Variants in CCDC12 observed in about 807,000 individuals in gnomAD.
CCDC12 encodes coiled-coil domain-containing protein 12.
Under a neutral mutation model 25.7 loss-of-function variants are expected in CCDC12, and 28 were observed. The ratio of observed to expected loss-of-function variants is 1.09; its 90% CI spans 0.81 to 1.50. The LOEUF (loss-of-function observed/expected upper bound fraction) is 1.50, where lower values mean the gene tolerates loss of function less well. CCDC12 is among the 40% of genes most tolerant of loss of function. The probability of loss-of-function intolerance (pLI) is 0.00; values close to 1 mark genes in which losing one functional copy is unlikely to be tolerated. For synonymous variants in CCDC12, 75 were observed against 87.7 expected (o/e 0.86, Z 0.81); for missense variants, 198 against 210.0 (o/e 0.94, Z 0.35).
At chr3:46,947,640 C>T (rs184414949) in intron 1 of CCDC12, among the ~76,000 whole-genome samples, 1 of 152,306 alleles carries the variant, frequency 6.6e-6, no homozygotes, top group East Asian at 1.9e-4. Context: ...GTCCCCTGCA[C>T]TCAATGTGCT....
At chr3:46,960,517 C>A (rs1422395182) in intron 1 of CCDC12, among the ~76,000 whole-genome samples, 1 of 152,220 alleles carries the variant, frequency 6.6e-6, no homozygotes, top group African/African-American at 2.4e-5. Flanking sequence ...TCTGCTCCAG[C>A]CACTCACATT....
At chr3:46,976,957 CAA>C (rs34971711), upstream of CCDC12, 5,236 of 307,974 alleles carry the variant, frequency 0.017, no homozygotes, top group Middle Eastern at 0.022. Context: ...GGGGAGCCAG[CAA>C]AAAAAAAAAA....
chr3:46,973,120 C>A (rs1408606767), intron 1 of CCDC12, among the ~76,000 whole-genome samples: 1 of 151,568 alleles, frequency 6.6e-6, no homozygotes, highest in Non-Finnish European at 1.5e-5. Flanking sequence ...TTTGGGAGGC[C>A]GAGGTGGGTG....
intron 1 of CCDC12, among the ~76,000 whole-genome samples, chr3:46,964,330 TG>T (rs71619668): frequency 1.5e-5 from 2 of 135,022 alleles, no homozygotes; most frequent in East Asian, 4.5e-4. Flanking sequence ...GGGAGGGAGG[TG>T]GGGGGTCAGC....
chr3:46,974,740 GCCC>G (rs1406837069), intron 1 of CCDC12, among the ~76,000 whole-genome samples: 1 of 152,196 alleles, frequency 6.6e-6, no homozygotes, highest in Non-Finnish European at 1.5e-5. Flanking sequence ...AGTGGGAAGT[GCCC>G]CCCATCTCTG....
chr3:46,939,490 T>C (rs1033300222), intron 2 of CCDC12, among the ~76,000 whole-genome samples: 9 of 152,052 alleles, frequency 5.9e-5, no homozygotes, highest in Admixed American at 3.9e-4. Context: ...CTCTAATATG[T>C]AGTTACCACA....
upstream of CCDC12, among the ~76,000 whole-genome samples, chr3:46,981,340 G>A (rs2035319677): frequency 6.6e-6 from 1 of 152,188 alleles, no homozygotes; most frequent in African/African-American, 2.4e-5. Flanking sequence ...TACTCGGGAG[G>A]CTGAGGCAGG....
intron 1 of CCDC12, among the ~76,000 whole-genome samples, chr3:46,969,620 C>T (rs766821222): frequency 6.6e-6 from 1 of 152,154 alleles, no homozygotes; most frequent in African/African-American, 2.4e-5. Context: ...ACACAGATGG[C>T]CCCAAATCAG....
intron 1 of CCDC12, among the ~76,000 whole-genome samples, chr3:46,956,752 T>C (rs868781864): frequency 1.2e-4 from 6 of 50,824 alleles, no homozygotes; most frequent in Middle Eastern, 8.1e-3. Context: ...GCCCAGGAGG[T>C]TGAGGCTGCA....
chr3:46,928,530 G>A (rs915515322), intron 2 of CCDC12, among the ~76,000 whole-genome samples: 4 of 152,022 alleles, frequency 2.6e-5, no homozygotes, highest in African/African-American at 9.7e-5. Context: ...TAATCTCATG[G>A]GCCTGGAGAG....
chr3:46,981,071 C>A (rs73831454), upstream of CCDC12, among the ~76,000 whole-genome samples: 324 of 152,342 alleles, frequency 2.1e-3, 3 homozygotes, highest in African/African-American at 7.5e-3. Flanking sequence ...CAGCAGGAGG[C>A]CAGGCATGGA....
intron 3 of CCDC12, 26 bp from the exon 4 acceptor site, chr3:46,923,694 G>A: frequency 2.0e-6 from 3 of 1,490,494 alleles, no homozygotes; most frequent in Non-Finnish European, 2.7e-6. Flanking sequence ...AAACAGAGAA[G>A]GCCTGTGGAA....
At chr3:46,946,212 T>G (rs1009243915) in intron 1 of CCDC12, among the ~76,000 whole-genome samples, 1 of 152,232 alleles carries the variant, frequency 6.6e-6, no homozygotes, top group Non-Finnish European at 1.5e-5. Context: ...CAGTCTCCTT[T>G]GTGGGCCAGG....
intron 2 of CCDC12, among the ~76,000 whole-genome samples, chr3:46,933,926 A>AT (rs35148258): frequency 0.86 from 127,689 of 147,846 alleles, 57,564 homozygotes; most frequent in East Asian, 1. Flanking sequence ...TCAATTGAAA[A>AT]TTTTTTTTTT....
chr3:46,967,141 T>A (rs1215706061), intron 1 of CCDC12, among the ~76,000 whole-genome samples: 1 of 152,186 alleles, frequency 6.6e-6, no homozygotes, highest in Non-Finnish European at 1.5e-5. Flanking sequence ...CAGTCATCTC[T>A]GGCTTAATGT....
chr3:46,939,017 C>T (rs962250848), intron 2 of CCDC12, among the ~76,000 whole-genome samples: 3 of 152,158 alleles, frequency 2.0e-5, no homozygotes, highest in South Asian at 2.1e-4. Context: ...CCTGCTTCTT[C>T]GTTAACAGCC....
intron 1 of CCDC12, among the ~76,000 whole-genome samples, chr3:46,953,662 A>G (rs1259320576): frequency 2.0e-5 from 3 of 151,978 alleles, no homozygotes; most frequent in Non-Finnish European, 1.5e-5. Context: ...AAAAAAAAAA[A>G]AAAAGTCCAG....
At chr3:46,959,542 T>A (rs1186237304) in intron 1 of CCDC12, among the ~76,000 whole-genome samples, 1 of 152,132 alleles carries the variant, frequency 6.6e-6, no homozygotes, top group East Asian at 1.9e-4. Flanking sequence ...GATCCCCACA[T>A]TCATGCCTTG....
chr3:46,926,251 G>A (rs917091863), intron 2 of CCDC12, among the ~76,000 whole-genome samples: 1 of 152,178 alleles, frequency 6.6e-6, no homozygotes, highest in African/African-American at 2.4e-5. Context: ...CTGCAATGAC[G>A]CGGACAGGGT....
Sources: gnomAD v4.1 joint callset for allele counts (sites outside exome capture counted in the v4.1 genomes callset) on GRCh38, gnomAD v4.1.1 for gene constraint, MANE v1.5 for transcripts, NCBI Gene and HGNC (gene_info 2026-07-23, HGNC 2026-07-21) for gene names.